The following CELF2 variants were observed in gnomAD, a reference collection of about 807,000 sequenced individuals.
CELF2 encodes the protein CUGBP Elav-like family member 2.
A neutral mutation model predicts 62.6 loss-of-function variants in CELF2; 8 were observed. The observed-to-expected ratio is 0.13, with a 90% CI of 0.07 to 0.23. CELF2 has a LOEUF of 0.23. Ranked by LOEUF, CELF2 falls within the 10% of genes least tolerant of loss-of-function variation. CELF2 has a pLI of 1.00. For missense variants in CELF2, 333 were observed against 671.0 expected (o/e 0.50, Z 5.56); for synonymous variants, 258 against 250.0 (o/e 1.03, Z -0.30).
At chr10:11,229,864 A>G (rs7922355) in intron 3 of CELF2, among the ~76,000 whole-genome samples, 113,680 of 152,112 alleles carry the variant, frequency 0.75, 44,083 homozygotes, top group Non-Finnish European at 0.87. Flanking sequence ...AGCTGGGATT[A>G]CAGGCCTGAG....
the CELF2 span, among the ~76,000 whole-genome samples, chr10:10,644,223 G>T: frequency 1.3e-5 from 2 of 152,168 alleles, no homozygotes; most frequent in African/African-American, 2.4e-5. Context: ...ATGGATATTA[G>T]AAAAATCTCA....
At chr10:10,994,944 C>T (rs1191338915) in intron 2 of CELF2, among the ~76,000 whole-genome samples, 1 of 152,164 alleles carries the variant, frequency 6.6e-6, no homozygotes, top group Non-Finnish European at 1.5e-5. Flanking sequence ...TGTCCTACCC[C>T]AGTGAAGGCA....
At position 11,191,687 on chromosome 10, in the gene CELF2, G is replaced by C. The variant is rs982656447; in HGVS notation, c.272-25738G>C. On this transcript the variant is annotated intron_variant, in intron 2 of 12. Coordinates refer to ENST00000633077, the MANE Select transcript of CELF2 (RefSeq NM_001326342.2). This position sits in a 1 kb window ranked among gnomAD's most constrained non-coding sequence, Gnocchi z 4.1. ...TGGCCTCCTCCCTGCAGAAGATGAG[G>C]CTTATTCCCAGTCGGCAGACTGGAC... is the stretch of plus-strand genomic sequence containing the variant. 1.3e-5 allele frequency among the ~76,000 whole-genome samples: 2 copies of C among 152,166 alleles called. No homozygotes were observed. Among genetic ancestry groups the C allele is most frequent in the African/African-American group, 4.8e-5 (2 of 41,418 alleles).
rs117996216 is a variant in CELF2 at position 10,908,612 on chromosome 10, T to G, written c.54-11352T>G. The stretch of plus-strand genomic sequence containing the variant: ...GAGAAAGAAGCATTTTATTATGTGT[T>G]TATAGCCATTGTTCAGAAAATTAAA... On this transcript the variant is annotated intron_variant, in intron 1 of 13. Coordinates refer to the CELF2 transcript ENST00000636488. Among the ~76,000 whole-genome samples the G allele has an allele frequency of 4.1e-3, 627 of 152,278 alleles. 1 individual carries two copies. Among genetic ancestry groups the G allele is most frequent in the Non-Finnish European group, 6.8e-3 (461 of 68,026 alleles).
chr10:11,227,030 TC>T lies in CELF2; in HGVS notation c.354+9525del, dbSNP rs1199608689. ...CCTCGCCATTGCTCTGCTTCCGTGT[TC>T]CACAGACAGGGGAAGGGCAAGTATG... On this transcript the variant is annotated intron_variant, in intron 3 of 12. Transcript: ENST00000633077. The surrounding 1 kb of genome is among the most constrained non-coding windows in gnomAD (Gnocchi z 4.8). Among the ~76,000 whole-genome samples the T allele has an allele frequency of 4.6e-5, 7 of 152,246 alleles. No homozygotes were observed. The highest frequency in any genetic ancestry group is 8.8e-5 in the Non-Finnish European group (6 of 68,022).
At chr10:11,320,553 C>T (rs1031384516) in intron 10 of CELF2, among the ~76,000 whole-genome samples, 4 of 152,174 alleles carry the variant, frequency 2.6e-5, no homozygotes, top group African/African-American at 9.7e-5. Flanking sequence ...TCTTCATCAG[C>T]CAGGCTATTT....
chr10:10,772,570 C>T, the CELF2 span, among the ~76,000 whole-genome samples: 3 of 152,196 alleles, frequency 2.0e-5, no homozygotes, highest in East Asian at 5.8e-4. Flanking sequence ...AGTCAATGAG[C>T]TTGGGATGTG....
chr10:10,924,582 TA>T (rs1205952629), intron 2 of CELF2, among the ~76,000 whole-genome samples: 1 of 152,170 alleles, frequency 6.6e-6, no homozygotes, highest in Non-Finnish European at 1.5e-5. Context: ...AAATGAAGCT[TA>T]AAATAATTCG....
chr10:11,084,929 G>A (rs1039542059), intron 1 of CELF2, among the ~76,000 whole-genome samples: 2 of 152,074 alleles, frequency 1.3e-5, no homozygotes, highest in African/African-American at 2.4e-5. Flanking sequence ...GAAATTCTAG[G>A]CACTAACACA....
chr10:10,689,326 T>A, the CELF2 span, among the ~76,000 whole-genome samples: 1 of 152,002 alleles, frequency 6.6e-6, no homozygotes, highest in East Asian at 1.9e-4. Flanking sequence ...AACCATCAGA[T>A]CTCATGAGGA....
chr10:10,702,543 A>G, the CELF2 span, among the ~76,000 whole-genome samples: 1 of 152,226 alleles, frequency 6.6e-6, no homozygotes, highest in Non-Finnish European at 1.5e-5. Context: ...CTGTCTCTCT[A>G]AAAACTTTTG....
At chr10:10,895,524 A>T (rs1456667125) in intron 1 of CELF2, among the ~76,000 whole-genome samples, 1 of 152,140 alleles carries the variant, frequency 6.6e-6, no homozygotes, top group Non-Finnish European at 1.5e-5. Flanking sequence ...GATCTGAAAA[A>T]TTTTCAGCCT....
At chr10:10,937,109 TG>T (rs1489187840) in intron 2 of CELF2, among the ~76,000 whole-genome samples, 1 of 149,408 alleles carries the variant, frequency 6.7e-6, no homozygotes, top group African/African-American at 2.5e-5. Flanking sequence ...TCTTCTTTTT[TG>T]TTTTTCTTTT....
intron 8 of CELF2, among the ~76,000 whole-genome samples, chr10:11,278,909 T>G (rs559619115): frequency 6.6e-6 from 1 of 152,300 alleles, no homozygotes. Flanking sequence ...ACTAAGCTAG[T>G]AGGTGGCAGG....
chr10:11,068,080 A>T (rs1241911093), intron 1 of CELF2, among the ~76,000 whole-genome samples: 1 of 152,214 alleles, frequency 6.6e-6, no homozygotes, highest in African/African-American at 2.4e-5. Context: ...GTTATTTCAC[A>T]TAGTGTGGAG....
the CELF2 span, among the ~76,000 whole-genome samples, chr10:10,658,885 C>CT: frequency 2.6e-5 from 4 of 152,066 alleles, no homozygotes; most frequent in East Asian, 7.7e-4. Context: ...ATATCTAGGT[C>CT]TTTTTTTAGA....
chr10:11,050,267 A>T (rs537144952), intron 1 of CELF2, among the ~76,000 whole-genome samples: 6 of 152,336 alleles, frequency 3.9e-5, no homozygotes, highest in Admixed American at 1.3e-4. Context: ...GTCCAGTGTA[A>T]TGGGCTTAAA....
chr10:11,304,500 C>G (rs948701001), intron 9 of CELF2, among the ~76,000 whole-genome samples: 15 of 152,222 alleles, frequency 9.9e-5, no homozygotes, highest in African/African-American at 3.6e-4. Flanking sequence ...GGCAGTGCAT[C>G]TGGTGAGGGC....
the CELF2 span, among the ~76,000 whole-genome samples, chr10:10,721,088 C>T: frequency 6.6e-6 from 1 of 152,212 alleles, no homozygotes; most frequent in African/African-American, 2.4e-5. Flanking sequence ...AACTTCTGCT[C>T]AGAGACTATA....
Sources: gnomAD v4.1 joint callset for allele counts (sites outside exome capture counted in the v4.1 genomes callset) on GRCh38, gnomAD v4.1.1 for gene constraint, Gnocchi (gnomAD v3.1) non-coding constraint, MANE v1.5 for transcripts, NCBI Gene and HGNC (gene_info 2026-07-23, HGNC 2026-07-21) for gene names.